The following PLCL1 variants were observed in gnomAD, a reference collection of about 807,000 sequenced individuals.
PLCL1 encodes inactive phospholipase C-like protein 1.
A neutral mutation model predicts 84.4 loss-of-function variants in PLCL1; 41 were observed. The observed-to-expected ratio is 0.49, with a 90% CI of 0.38 to 0.63. The LOEUF (loss-of-function observed/expected upper bound fraction) is 0.63. Ranked by LOEUF, PLCL1 falls within the 30% of genes least tolerant of loss-of-function variation. PLCL1 has a pLI of 0.00. For missense variants in PLCL1, 1,206 were observed against 1,367.8 expected (o/e 0.88, Z 1.87); for synonymous variants, 490 against 488.3 (o/e 1.00, Z -0.05).
chr2:197,934,819 C>A (rs1689017164), intron 1 of PLCL1, among the ~76,000 whole-genome samples: 1 of 152,012 alleles, frequency 6.6e-6, no homozygotes. Context: ...TTCTGTACAG[C>A]AAAAGAAACT....
intron 5 of PLCL1, among the ~76,000 whole-genome samples, chr2:198,135,197 A>G (rs746417256): frequency 3.3e-5 from 5 of 152,132 alleles, no homozygotes; most frequent in Non-Finnish European, 7.4e-5. Context: ...TATGACACTC[A>G]TGGCGGTAGT....
At chr2:197,944,904 T>G (rs1689241353) in intron 1 of PLCL1, among the ~76,000 whole-genome samples, 1 of 152,194 alleles carries the variant, frequency 6.6e-6, no homozygotes, top group Admixed American at 6.5e-5. Context: ...TCATTGAAAC[T>G]GGAGTTTGTG....
intron 1 of PLCL1, among the ~76,000 whole-genome samples, chr2:198,066,726 C>T (rs2105881657): frequency 6.6e-6 from 1 of 152,246 alleles, no homozygotes; most frequent in African/African-American, 2.4e-5. Flanking sequence ...CTCTCCTATG[C>T]ATTTGCTGTA....
chr2:197,887,674 T>C (rs2105722114), intron 1 of PLCL1, among the ~76,000 whole-genome samples: 1 of 152,296 alleles, frequency 6.6e-6, no homozygotes, highest in Admixed American at 6.5e-5. Flanking sequence ...AAATCTGGGC[T>C]TTTAGTGTAG....
intron 1 of PLCL1, among the ~76,000 whole-genome samples, chr2:197,867,348 A>G (rs1191621058): frequency 6.6e-6 from 1 of 151,666 alleles, no homozygotes; most frequent in East Asian, 1.9e-4. Context: ...GCTATATTAA[A>G]TTCTGTTATA....
At chr2:198,138,494 T>C (rs1694309647) in intron 5 of PLCL1, among the ~76,000 whole-genome samples, 1 of 152,140 alleles carries the variant, frequency 6.6e-6, no homozygotes, top group Non-Finnish European at 1.5e-5. Context: ...CCAAACCATA[T>C]CACCCTCTAA....
intron 1 of PLCL1, among the ~76,000 whole-genome samples, chr2:198,048,112 G>T (rs1296781239): frequency 1.3e-5 from 2 of 152,250 alleles, no homozygotes; most frequent in Non-Finnish European, 2.9e-5. Flanking sequence ...TCTGAGTAAA[G>T]TATGAAGCTG....
chr2:198,040,273 C>T (rs1691628372), intron 1 of PLCL1, among the ~76,000 whole-genome samples: 2 of 152,216 alleles, frequency 1.3e-5, no homozygotes, highest in South Asian at 2.1e-4. Flanking sequence ...GAAAAACTGG[C>T]TCTTGGGCTT....
chr2:197,834,541 C>T (rs905038833), intron 1 of PLCL1, among the ~76,000 whole-genome samples: 4 of 152,098 alleles, frequency 2.6e-5, no homozygotes, highest in African/African-American at 7.2e-5. Flanking sequence ...AACAAACATA[C>T]GAATAAAAGC....
chr2:197,843,057 C>G (rs1174411506), intron 1 of PLCL1, among the ~76,000 whole-genome samples: 1 of 152,128 alleles, frequency 6.6e-6, no homozygotes, highest in Non-Finnish European at 1.5e-5. Context: ...GTTTACTTTT[C>G]TCATATTTCT....
chr2:198,101,970 G>T (rs879126359), intron 4 of PLCL1, among the ~76,000 whole-genome samples: 3 of 151,938 alleles, frequency 2.0e-5, no homozygotes, highest in Non-Finnish European at 4.4e-5. Context: ...TTGATACATT[G>T]CATATGCTAT....
chr2:198,061,514 T>C (rs1331608852), intron 1 of PLCL1, among the ~76,000 whole-genome samples: 1 of 152,152 alleles, frequency 6.6e-6, no homozygotes, highest in Non-Finnish European at 1.5e-5. Context: ...CTAGAGAAGC[T>C]GGCTTCATTG....
intron 1 of PLCL1, among the ~76,000 whole-genome samples, chr2:197,842,445 A>C (rs74965476): frequency 6.6e-6 from 1 of 152,056 alleles, no homozygotes; most frequent in Non-Finnish European, 1.5e-5. Flanking sequence ...ATTCTTATTC[A>C]CGATCTTATT....
At chr2:197,896,147 T>C (rs185778737) in intron 1 of PLCL1, among the ~76,000 whole-genome samples, 56 of 152,126 alleles carry the variant, frequency 3.7e-4, no homozygotes, top group African/African-American at 1.3e-3. Context: ...AGGCAGATTA[T>C]AAACTGTGTA....
chr2:198,048,700 G>A (rs1373967720), intron 1 of PLCL1, among the ~76,000 whole-genome samples: 2 of 152,208 alleles, frequency 1.3e-5, no homozygotes, highest in Admixed American at 6.5e-5. Context: ...GGCCATTCAT[G>A]AGGGATCTGT....
intron 1 of PLCL1, among the ~76,000 whole-genome samples, chr2:198,026,229 T>C (rs1691261611): frequency 1.3e-5 from 2 of 152,312 alleles, no homozygotes; most frequent in South Asian, 4.1e-4. Context: ...AAGAACTAAG[T>C]TTATTTATTG....
intron 5 of PLCL1, among the ~76,000 whole-genome samples, chr2:198,144,973 G>A (rs1345276219): frequency 4.6e-5 from 7 of 152,126 alleles, no homozygotes; most frequent in Non-Finnish European, 1.0e-4. Flanking sequence ...CTTTGGGAAG[G>A]GTGACTGTGC....
At chr2:197,984,051 AGTTT>A (rs1395820267) in intron 1 of PLCL1, among the ~76,000 whole-genome samples, 1 of 152,168 alleles carries the variant, frequency 6.6e-6, no homozygotes, top group Non-Finnish European at 1.5e-5. Flanking sequence ...AGCTTCATCT[AGTTT>A]GTTATCAAAG....
chr2:198,106,808 G>C (rs957506155), intron 5 of PLCL1, among the ~76,000 whole-genome samples: 1 of 151,824 alleles, frequency 6.6e-6, no homozygotes, highest in Non-Finnish European at 1.5e-5. Flanking sequence ...ATGACATGCT[G>C]ACTCTGATAG....
Sources: gnomAD v4.1 joint callset for allele counts (sites outside exome capture counted in the v4.1 genomes callset) on GRCh38, gnomAD v4.1.1 for gene constraint, MANE v1.5 for transcripts, NCBI Gene and HGNC (gene_info 2026-07-23, HGNC 2026-07-21) for gene names.